Variants in PRIM2 observed in about 807,000 individuals in gnomAD.
PRIM2 encodes the protein DNA primase subunit 2.
Under a neutral mutation model 67.3 loss-of-function variants are expected in PRIM2, and 39 were observed. The ratio of observed to expected loss-of-function variants is 0.58; its 90% CI spans 0.45 to 0.76. The LOEUF is 0.76. Among genes scored for constraint, PRIM2 ranks in the 30% least tolerant of loss-of-function variants. The pLI is 0.00. For missense variants in PRIM2, 398 were observed against 598.7 expected (o/e 0.66, Z 3.50); for synonymous variants, 143 against 198.7 (o/e 0.72, Z 2.36).
chr6:57,262,359 C>T, the PRIM2 span, among the ~76,000 whole-genome samples: 1 of 152,046 alleles, frequency 6.6e-6, no homozygotes, highest in African/African-American at 2.4e-5. Flanking sequence ...GGCGTAAATC[C>T]CCTTCCTACT....
At chr6:57,239,859 A>G in the PRIM2 span, among the ~76,000 whole-genome samples, 1 of 152,282 alleles carries the variant, frequency 6.6e-6, no homozygotes, top group African/African-American at 2.4e-5. Flanking sequence ...TTAATCTGCA[A>G]TGTGAATTTT....
chr6:57,461,048 A>G (rs1772987577), intron 7 of PRIM2, among the ~76,000 whole-genome samples: 2 of 152,232 alleles, frequency 1.3e-5, no homozygotes, highest in Admixed American at 6.5e-5. Flanking sequence ...GATACGATCC[A>G]TGAAAGAGAA....
At chr6:57,539,800 C>T (rs1775105831) in intron 10 of PRIM2, among the ~76,000 whole-genome samples, 1 of 151,948 alleles carries the variant, frequency 6.6e-6, no homozygotes, top group Non-Finnish European at 1.5e-5. Context: ...TCAAGACCAG[C>T]CTGGCCAACA....
intron 7 of PRIM2, among the ~76,000 whole-genome samples, chr6:57,501,500 A>G (rs1774131410): frequency 6.6e-6 from 1 of 152,084 alleles, no homozygotes; most frequent in African/African-American, 2.4e-5. Context: ...GGATTTCACC[A>G]TGTTGTCCAG....
rs1187907294 is a variant in PRIM2 at position 57,512,096 on chromosome 6, G to A, written c.761+4642G>A. Among the ~76,000 whole-genome samples the A allele has an allele frequency of 3.9e-5, 6 of 152,264 alleles. No homozygotes were observed. The East Asian group carries it at 9.7e-4, about 25-fold the overall frequency. On this transcript the variant is annotated intron_variant, in intron 8 of 13. Transcript: ENST00000615550. Reference sequence around the variant, plus strand: ...ATATGAGAAACCGGTAAAAATACCAGGGAGGAGCCTTGAACAAAAAAGGAT... The same window carrying A: ...ATATGAGAAACCGGTAAAAATACCAAGGAGGAGCCTTGAACAAAAAAGGAT...
intron 7 of PRIM2, among the ~76,000 whole-genome samples, chr6:57,439,828 T>A (rs141269724): frequency 3.9e-3 from 594 of 152,294 alleles, no homozygotes; most frequent in Non-Finnish European, 6.6e-3. Context: ...AACACTGAAA[T>A]TGACATCCAG....
At chr6:57,455,185 T>C (rs1345663638) in intron 7 of PRIM2, among the ~76,000 whole-genome samples, 1 of 147,656 alleles carries the variant, frequency 6.8e-6, no homozygotes, top group East Asian at 2.0e-4. Context: ...TTACATTTGC[T>C]GAGGAGTGCT....
the PRIM2 span, among the ~76,000 whole-genome samples, chr6:57,301,409 C>G: frequency 6.6e-6 from 1 of 152,144 alleles, no homozygotes; most frequent in Admixed American, 6.5e-5. Context: ...ATTGCTTGAA[C>G]CCAGGAGGCG....
chr6:57,330,348 G>GTTT lies in PRIM2; in HGVS notation c.459+4313_459+4315dup, dbSNP rs1238317111. 1.2e-3 allele frequency among the ~76,000 whole-genome samples: 103 copies of GTTT among 87,746 alleles called. 2 individuals carry two copies. Among genetic ancestry groups the GTTT allele is most frequent in the African/African-American group, 2.7e-3 (54 of 20,118 alleles). The allele number at this position is 87,746 out of a possible 152,430, so 57.6% of individuals were successfully genotyped here. A position where few individuals can be genotyped will look rare whatever the true frequency, so the allele number is the denominator to read the frequency against. On this transcript the variant is annotated intron_variant, in intron 5 of 13. Transcript: ENST00000615550. ...TGTATCCTGCAACCTTGCTGAACTT[G>GTTT]TTTTTTTTTTTTGTTTTTGTTTTTT... is the stretch of plus-strand genomic sequence containing the variant.
intron 5 of PRIM2, among the ~76,000 whole-genome samples, chr6:57,346,722 T>C (rs963844906): frequency 6.6e-6 from 1 of 152,184 alleles, no homozygotes; most frequent in Non-Finnish European, 1.5e-5. Context: ...TGTCATGGTC[T>C]AGTTCAGAGT....
At chr6:57,509,744 C>T (rs1774322744) in intron 8 of PRIM2, among the ~76,000 whole-genome samples, 4 of 151,112 alleles carry the variant, frequency 2.6e-5, no homozygotes, top group African/African-American at 4.8e-5. Flanking sequence ...CCTTCTGCCA[C>T]TTCTATTTAT....
the PRIM2 span, among the ~76,000 whole-genome samples, chr6:57,301,824 TAAC>T: frequency 1.3e-5 from 2 of 152,106 alleles, no homozygotes; most frequent in Non-Finnish European, 2.9e-5. Context: ...TCTGTCTCAA[TAAC>T]AACAACAGAA....
At chr6:57,628,633 T>C (rs1776994421) in intron 12 of PRIM2, among the ~76,000 whole-genome samples, 1 of 152,224 alleles carries the variant, frequency 6.6e-6, no homozygotes, top group Non-Finnish European at 1.5e-5. Flanking sequence ...TTTTCAACTC[T>C]TGTCTCCCTT....
At chr6:57,452,296 C>T (rs1392053739) in intron 7 of PRIM2, among the ~76,000 whole-genome samples, 1 of 152,030 alleles carries the variant, frequency 6.6e-6, no homozygotes, top group Admixed American at 6.6e-5. Context: ...TGGGTATATA[C>T]CCAGTAATGG....
At chr6:57,426,810 G>A (rs1394508075) in intron 7 of PRIM2, among the ~76,000 whole-genome samples, 3 of 152,154 alleles carry the variant, frequency 2.0e-5, no homozygotes, top group Admixed American at 6.5e-5. Flanking sequence ...TCTACCTGAG[G>A]TTTCTCCTTG....
intron 7 of PRIM2, among the ~76,000 whole-genome samples, chr6:57,392,312 G>T (rs1385979491): frequency 6.6e-6 from 1 of 152,132 alleles, no homozygotes; most frequent in Non-Finnish European, 1.5e-5. Flanking sequence ...TACATCATCT[G>T]CAAACAGGGA....
intron 13 of PRIM2, among the ~76,000 whole-genome samples, chr6:57,640,267 C>T (rs1277648656): frequency 4.6e-5 from 7 of 152,076 alleles, no homozygotes; most frequent in African/African-American, 1.7e-4. Flanking sequence ...TTGACAAACC[C>T]ACAGCCAATA....
chr6:57,426,556 T>G lies in PRIM2; in HGVS notation c.693+44388T>G, dbSNP rs1268970402. 8.5e-4 allele frequency among the ~76,000 whole-genome samples: 130 copies of G among 152,280 alleles called. 1 individual carries two copies. Among genetic ancestry groups the G allele is most frequent in the Non-Finnish European group, 3.8e-4 (26 of 68,030 alleles). ...TCAGTATTGCTAGTCATCGAGGAAA[T>G]GCAAATTAAAGCCACAGTGAGATAC... On this transcript the variant is annotated intron_variant, in intron 7 of 13. Coordinates refer to ENST00000615550, the MANE Select transcript of PRIM2 (RefSeq NM_000947.5).
rs1362514139 is a variant in PRIM2, at chr6:57,408,909, G to A, written c.693+26741G>A. ...AAATTTTTTGTAGAGACAGGGTCTCGCTGTGTTTCCCAGACTGGTCTCAAA... is the reference window on the plus strand; with the variant it reads ...AAATTTTTTGTAGAGACAGGGTCTCACTGTGTTTCCCAGACTGGTCTCAAA... On this transcript the variant is annotated intron_variant, in intron 7 of 13. Coordinates refer to ENST00000615550, the MANE Select transcript of PRIM2 (RefSeq NM_000947.5). Among the ~76,000 whole-genome samples, 10 of 152,208 alleles carry A rather than the reference G, an allele frequency of 6.6e-5. No homozygotes were observed. The South Asian group carries it at 1.5e-3, about 22-fold the overall frequency.
Sources: allele counts gnomAD v4.1 joint callset (sites outside exome capture counted in the v4.1 genomes callset), GRCh38; gene constraint gnomAD v4.1.1; transcripts MANE v1.5; gene names NCBI Gene and HGNC (gene_info 2026-07-23, HGNC 2026-07-21).